The following FRRS1 variants were observed in gnomAD, a reference collection of about 807,000 sequenced individuals.
FRRS1 encodes ferric reductase 1.
In FRRS1, 51 loss-of-function variants were observed where a neutral mutation model predicts 70.7. The observed-to-expected ratio is 0.72, with a 90% CI of 0.58 to 0.91. FRRS1 has a LOEUF of 0.91. Among genes scored for constraint, FRRS1 ranks in the 40% least tolerant of loss-of-function variants. FRRS1 has a pLI of 0.00. For missense variants in FRRS1, 672 were observed against 726.0 expected (o/e 0.93, Z 0.86); for synonymous variants, 225 against 238.7 (o/e 0.94, Z 0.53).
At chr1:99,745,017 C>A (rs551262420) in intron 4 of FRRS1, among the ~76,000 whole-genome samples, 54 of 144,866 alleles carry the variant, frequency 3.7e-4, no homozygotes, top group African/African-American at 1.2e-3. Context: ...AAAAGAAAAT[C>A]ATTGAGGAGA....
At chr1:99,756,953 A>G (rs1234810402) in intron 1 of FRRS1, among the ~76,000 whole-genome samples, 1 of 152,194 alleles carries the variant, frequency 6.6e-6, no homozygotes, top group Non-Finnish European at 1.5e-5. Context: ...AGGTACCGAG[A>G]GTCTTAATTA....
chr1:99,731,526 A>C (rs1406728300), intron 7 of FRRS1, among the ~76,000 whole-genome samples: 1 of 152,204 alleles, frequency 6.6e-6, no homozygotes, highest in African/African-American at 2.4e-5. Context: ...GAGTCAACAA[A>C]CCATGGCCAG....
chr1:99,723,304 C>T (rs983416440), intron 9 of FRRS1, among the ~76,000 whole-genome samples: 1 of 152,054 alleles, frequency 6.6e-6, no homozygotes, highest in Non-Finnish European at 1.5e-5. Flanking sequence ...CAGCTTGAGC[C>T]GGGGAGTTGG....
intron 1 of FRRS1, among the ~76,000 whole-genome samples, chr1:99,755,626 T>C (rs543357627): frequency 5.9e-5 from 9 of 152,330 alleles, no homozygotes; most frequent in African/African-American, 1.9e-4. Context: ...AAACTTGATA[T>C]CCAGTCTCTG....
chr1:99,729,664 C>G lies in FRRS1; in HGVS notation c.844G>C (p.Val282Leu), dbSNP rs539252888. The G allele has an allele frequency of 1.2e-6, 2 of 1,610,768 alleles. No homozygotes were observed. Among genetic ancestry groups the G allele is most frequent in the Non-Finnish European group, 8.5e-7 (1 of 1,177,186 alleles). Residue 282 changes from valine to leucine, a missense_variant, in exon 8 of 17, where the codon GTA (valine) becomes CTA (leucine). Transcript: ENST00000646001. ...TTCACACCTACCCTGGAGTCCATTA[C>G]AGGGTGACTTCGCCCCGTTAAATGG... ...PSHLTGRSHP[V>L]MDSRDTLEDM...
rs753721740 is a variant in FRRS1 at position 99,719,650 on chromosome 1, G to A, written c.1007-3C>T. 22 of 1,485,330 alleles carry A rather than the reference G, an allele frequency of 1.5e-5. No homozygotes were observed. In the Admixed American group the frequency reaches 3.3e-4, roughly 22 times the overall value. 92.0% of individuals were successfully genotyped at this position (1,485,330 alleles called of 1,614,324 possible). ...CTGAGAGTGCTTGTAAATTCGACCT[G>A]CAAATTAAAAACAAAATTAAACATG... is the stretch of plus-strand genomic sequence containing the variant. On this transcript the variant is annotated splice_region_variant and splice_polypyrimidine_tract_variant and intron_variant, in intron 9 of 16. Coordinates refer to ENST00000646001, the MANE Select transcript of FRRS1 (RefSeq NM_001361041.2).
intron 1 of FRRS1, among the ~76,000 whole-genome samples, chr1:99,751,741 C>A (rs1656578719): frequency 6.6e-6 from 1 of 151,626 alleles, no homozygotes; most frequent in African/African-American, 2.4e-5. Context: ...ACCTATCTTG[C>A]AAGAAAAGTG....
At chr1:99,734,362 T>TA (rs1433844927) in intron 7 of FRRS1, among the ~76,000 whole-genome samples, 1 of 152,152 alleles carries the variant, frequency 6.6e-6, no homozygotes, top group East Asian at 1.9e-4. Context: ...TTGAAAACCT[T>TA]AGAGATGAAA....
In FRRS1 at chr1:99,728,762, G is replaced by C. The variant is rs1021532524; in HGVS notation, c.859-122C>G. On this transcript the variant is annotated intron_variant, in intron 8 of 16. Coordinates refer to ENST00000646001, the MANE Select transcript of FRRS1 (RefSeq NM_001361041.2). Reference sequence around the variant, plus strand: ...AAGATCGTATGTCCATGCTTTGTCTGCAGTGTCATTGTTTTTCCACTTCCT... The same window carrying C: ...AAGATCGTATGTCCATGCTTTGTCTCCAGTGTCATTGTTTTTCCACTTCCT... The C allele has an allele frequency of 2.0e-5, 13 of 656,590 alleles. No individual in the cohort carries two copies. The African/African-American group carries it at 2.4e-4, about 12-fold the overall frequency. The allele number at this position is 656,590 out of a possible 1,614,324, so 40.7% of individuals were successfully genotyped here. A position where few individuals can be genotyped will look rare whatever the true frequency, so the allele number is the denominator to read the frequency against.
chr1:99,742,624 G>A (rs551094922), intron 4 of FRRS1, among the ~76,000 whole-genome samples: 4 of 152,198 alleles, frequency 2.6e-5, no homozygotes, highest in East Asian at 1.9e-4. Context: ...AAGATTCTTC[G>A]AAAGAGAAAA....
In FRRS1 at chr1:99,747,521, A is replaced by G. The variant is rs1656340506; in HGVS notation, c.197-91T>C. On this transcript the variant is annotated intron_variant, in intron 3 of 16. Transcript: ENST00000646001. The stretch of plus-strand genomic sequence containing the variant: ...GTACATTACAATTACAATGAGGTCT[A>G]CATATGCAAAAGTACTCCTGGAGAG... The G allele has an allele frequency of 5.1e-6, 6 of 1,185,426 alleles. No individual in the cohort carries two copies. The East Asian group carries it at 1.4e-4, about 28-fold the overall frequency. 73.4% of individuals were successfully genotyped at this position (1,185,426 alleles called of 1,614,324 possible). A position where few individuals can be genotyped will look rare whatever the true frequency, so the allele number is the denominator to read the frequency against.
At chr1:99,718,326 GTTTTGTT>G (rs1193158792) in intron 10 of FRRS1, among the ~76,000 whole-genome samples, 3 of 152,014 alleles carry the variant, frequency 2.0e-5, no homozygotes, top group African/African-American at 4.8e-5. Context: ...AGTCTTGGGT[GTTTTGTT>G]TTTTGTTTTT....
intron 5 of FRRS1, 133 bp downstream of exon 5, chr1:99,742,046 G>A: frequency 1.7e-6 from 1 of 590,096 alleles, no homozygotes; most frequent in South Asian, 2.3e-5. Flanking sequence ...TTAGAGATGG[G>A]GTTTCACCAT....
intron 12 of FRRS1, among the ~76,000 whole-genome samples, chr1:99,714,229 G>A (rs1654410983): frequency 6.7e-6 from 1 of 149,740 alleles, no homozygotes; most frequent in Admixed American, 6.7e-5. Flanking sequence ...TGTCACCCAA[G>A]CTGGAGTGCA....
Position 99,708,833 on chromosome 1 carries a change from A to G in FRRS1, c.*195T>C. ...CCCAGAATTACATATAGGGCATGAC[A>G]TTAATTTATAGTCTATATGACCCTC... On this transcript the variant is annotated 3_prime_UTR_variant, in exon 17 of 17. Transcript: ENST00000646001. 9.1e-7 allele frequency: 1 copy of G among 1,101,258 alleles called. No individual in the cohort carries two copies. Among genetic ancestry groups the G allele is most frequent in the Non-Finnish European group, 1.4e-6 (1 of 731,244 alleles). 68.2% of individuals were successfully genotyped at this position (1,101,258 alleles called of 1,614,324 possible). A position where few individuals can be genotyped will look rare whatever the true frequency, so the allele number is the denominator to read the frequency against.
Position 99,759,077 on chromosome 1 carries a change from A to G in FRRS1, c.-106+7530T>C, listed in dbSNP as rs554404228. ...GCACGGCTGAACATAGACCCTTATCAGTAGTTCTGCTTTTGCCCTTTGTCC... is the reference window on the plus strand; with the variant it reads ...GCACGGCTGAACATAGACCCTTATCGGTAGTTCTGCTTTTGCCCTTTGTCC... On this transcript the variant is annotated intron_variant, in intron 1 of 16. Transcript: ENST00000646001. Among the ~76,000 whole-genome samples, 328 of 152,316 alleles carry G rather than the reference A, an allele frequency of 2.2e-3. 1 individual carries two copies. The highest frequency in any genetic ancestry group is 6.8e-3 in the Middle Eastern group (2 of 294).
In FRRS1 at chr1:99,705,209, A is replaced by G. The variant is rs925642369; in HGVS notation, c.*3819T>C. Among the ~76,000 whole-genome samples, 1 of 152,132 alleles carries G rather than the reference A, an allele frequency of 6.6e-6. No homozygotes were observed. The highest frequency in any genetic ancestry group is 1.5e-5 in the Non-Finnish European group (1 of 68,008). On this transcript the variant is annotated 3_prime_UTR_variant, in exon 17 of 17. Transcript: ENST00000646001. ...CCTAGATTTGAGCAGTGGGGCACTG[A>G]AGAAGCCAGCCACATCCCCATTCCA...
intron 9 of FRRS1, among the ~76,000 whole-genome samples, chr1:99,720,772 C>T (rs1209780180): frequency 2.0e-5 from 3 of 150,948 alleles, no homozygotes; most frequent in African/African-American, 7.3e-5. Flanking sequence ...CATAACAAAA[C>T]ATGTGTGATG....
intron 4 of FRRS1, among the ~76,000 whole-genome samples, chr1:99,743,623 A>G (rs1452465930): frequency 6.6e-6 from 1 of 152,224 alleles, no homozygotes; most frequent in African/African-American, 2.4e-5. Context: ...TCACAGAGAC[A>G]TATAAACAAA....
Sources: gnomAD v4.1 joint callset for allele counts (sites outside exome capture counted in the v4.1 genomes callset) on GRCh38, gnomAD v4.1.1 for gene constraint, MANE v1.5 for transcripts, NCBI Gene and HGNC (gene_info 2026-07-23, HGNC 2026-07-21) for gene names.